ARHGAP28: variants seen among roughly 807,000 people sequenced by gnomAD.
ARHGAP28 encodes Rho GTPase activating protein 28.
In ARHGAP28, 56 loss-of-function variants were observed where a neutral mutation model predicts 90.7. The observed-to-expected ratio is 0.62, with a 90% confidence interval of 0.50 to 0.77. The LOEUF is 0.77. Ranked by LOEUF, ARHGAP28 falls within the 30% of genes least tolerant of loss-of-function variation. ARHGAP28 has a pLI of 0.00. For missense variants in ARHGAP28, 869 were observed against 900.9 expected, an observed-to-expected ratio of 0.96 and a Z score of 0.45; for synonymous variants, 308 against 323.3, an observed-to-expected ratio of 0.95 and a Z score of 0.51.
chr18:6,873,435 T>A lies in ARHGAP28; in HGVS notation c.981T>A (p.Phe327Leu). 6.2e-7 allele frequency: 1 copy of A among 1,608,712 alleles called. No homozygotes were observed. Among genetic ancestry groups the A allele is most frequent in the Non-Finnish European group, 8.5e-7 (1 of 1,178,828 alleles). ...LTKFNVQKTR[F>L]GLTEAGDLSA... Reference sequence around the variant, plus strand: ...AATTTAATGTTCAGAAAACCAGATTTGGCTTAACTGAAGCAGGAGATCTGT... The same window carrying A: ...AATTTAATGTTCAGAAAACCAGATTAGGCTTAACTGAAGCAGGAGATCTGT... Residue 327 changes from phenylalanine (F) to leucine (L), a missense_variant, in exon 8 of 18, where the codon TTT becomes TTA. Phe to Leu is a conservative substitution (Grantham distance 22). Transcript: ENST00000383472.
intron 1 of ARHGAP28, among the ~76,000 whole-genome samples, chr18:6,753,560 A>G (rs1242348172): frequency 6.6e-6 from 1 of 152,238 alleles, no homozygotes. Context: ...AGAACATAAT[A>G]TATATAACCT....
chr18:6,854,091 T>C (rs2056932729), intron 4 of ARHGAP28, among the ~76,000 whole-genome samples: 1 of 152,074 alleles, frequency 6.6e-6, no homozygotes, highest in Admixed American at 6.6e-5. Context: ...TTGAACCAGA[T>C]TGGTCTCGGG....
At chr18:6,768,501 T>G (rs2056217344) in intron 1 of ARHGAP28, among the ~76,000 whole-genome samples, 1 of 152,114 alleles carries the variant, frequency 6.6e-6, no homozygotes, top group Non-Finnish European at 1.5e-5. Context: ...CAACAAAGAC[T>G]TTCTATTCTG....
chr18:6,775,162 T>C (rs531234760), intron 1 of ARHGAP28, among the ~76,000 whole-genome samples: 6 of 152,330 alleles, frequency 3.9e-5, no homozygotes, highest in African/African-American at 1.2e-4. Context: ...TTCTATTTCA[T>C]TTTTGTTCTT....
In ARHGAP28 at chr18:6,854,690, G is replaced by C. The variant is rs960194735; in HGVS notation, c.636+3564G>C. On this transcript the variant is annotated intron_variant, in intron 4 of 17. Coordinates refer to ENST00000383472, the MANE Select transcript of ARHGAP28 (RefSeq NM_001366230.1). ...CAGCAGGAGCCAGGAACAGGTGGGA[G>C]CCCTGCCCCCTGCTGAGTTGGCAGG... Among the ~76,000 whole-genome samples, 4 of 152,242 alleles carry C rather than the reference G, an allele frequency of 2.6e-5. No homozygotes were observed. In the East Asian group the frequency reaches 7.8e-4, roughly 30 times the overall value.
At chr18:6,909,062 T>G in intron 17 of ARHGAP28, 38 bp downstream of exon 17, 1 of 1,115,000 alleles carries the variant, frequency 9.0e-7, no homozygotes, top group South Asian at 1.3e-5. Context: ...CTAAATTCTC[T>G]GATTACTCTA....
intron 3 of ARHGAP28, among the ~76,000 whole-genome samples, chr18:6,842,024 C>T (rs1158004037): frequency 1.3e-5 from 2 of 152,108 alleles, no homozygotes; most frequent in Non-Finnish European, 2.9e-5. Flanking sequence ...CTTATTTTGG[C>T]CATGGCTGTT....
At chr18:6,810,171 A>AT (rs2056546667) in intron 1 of ARHGAP28, among the ~76,000 whole-genome samples, 1 of 152,052 alleles carries the variant, frequency 6.6e-6, no homozygotes, top group African/African-American at 2.4e-5. Context: ...TTATTTTTAT[A>AT]TTTTTTATGA....
chr18:6,880,074 T>C (rs909092168), intron 10 of ARHGAP28, among the ~76,000 whole-genome samples: 4 of 152,178 alleles, frequency 2.6e-5, no homozygotes, highest in African/African-American at 9.7e-5. Context: ...GTGCTTCCTG[T>C]GCACTTGGAA....
At chr18:6,890,617 C>G in intron 14 of ARHGAP28, 74 bp downstream of exon 14, 1 of 879,690 alleles carries the variant, frequency 1.1e-6, no homozygotes. Context: ...CACAAAGTAG[C>G]TTGTCATTTA....
intron 1 of ARHGAP28, among the ~76,000 whole-genome samples, chr18:6,730,865 A>T (rs2143091576): frequency 6.6e-6 from 1 of 152,270 alleles, no homozygotes; most frequent in East Asian, 1.9e-4. Flanking sequence ...TTTATTTTTA[A>T]TCATTTCTTT....
At chr18:6,813,139 A>G (rs1276487781) in intron 1 of ARHGAP28, among the ~76,000 whole-genome samples, 1 of 152,230 alleles carries the variant, frequency 6.6e-6, no homozygotes, top group Non-Finnish European at 1.5e-5. Context: ...TCTACCTACC[A>G]CAGGGAAAGC....
chr18:6,842,434 C>T (rs1243061026), intron 3 of ARHGAP28, among the ~76,000 whole-genome samples: 1 of 152,130 alleles, frequency 6.6e-6, no homozygotes, highest in Non-Finnish European at 1.5e-5. Context: ...GCCCTGACTT[C>T]CCTGTCATTA....
intron 1 of ARHGAP28, among the ~76,000 whole-genome samples, chr18:6,806,201 C>T (rs186481314): frequency 1.4e-3 from 208 of 152,174 alleles, no homozygotes; most frequent in African/African-American, 4.7e-3. Context: ...ACTATTTTTC[C>T]TTTTTTCATT....
chr18:6,797,993 A>G (rs1349123919), intron 1 of ARHGAP28, among the ~76,000 whole-genome samples: 3 of 152,194 alleles, frequency 2.0e-5, no homozygotes, highest in Non-Finnish European at 4.4e-5. Flanking sequence ...TTTTAAAAAC[A>G]TTAAGTTTAA....
At chr18:6,890,180 A>C (rs1165556389) in intron 13 of ARHGAP28, 95 bp downstream of exon 13, 3 of 1,395,294 alleles carry the variant, frequency 2.2e-6, no homozygotes, top group Non-Finnish European at 3.0e-6. Context: ...GGTCATAGGG[A>C]AGAAATATGA....
intron 1 of ARHGAP28, among the ~76,000 whole-genome samples, chr18:6,757,202 T>G (rs2056118235): frequency 6.6e-6 from 1 of 152,194 alleles, no homozygotes; most frequent in African/African-American, 2.4e-5. Flanking sequence ...CAGCAGTATT[T>G]TTTGGAAACA....
At position 6,878,494 on chromosome 18, in the gene ARHGAP28, A is replaced by AT. The variant is rs2057151740; in HGVS notation, c.1290+2287dup. Among the ~76,000 whole-genome samples, 3 of 152,174 alleles carry AT rather than the reference A, an allele frequency of 2.0e-5. No homozygotes were observed. In the South Asian group the frequency reaches 6.2e-4, roughly 32 times the overall value. On this transcript the variant is annotated intron_variant, in intron 10 of 17. Coordinates refer to ENST00000383472, the MANE Select transcript of ARHGAP28 (RefSeq NM_001366230.1). Reference sequence around the variant, plus strand: ...CATGTACCCTAAAACTTAAAGTATAATAAAAAAAAAATTACAGGGCATTTC... The same window carrying AT: ...CATGTACCCTAAAACTTAAAGTATAATTAAAAAAAAAATTACAGGGCATTTC...
At chr18:6,802,297 T>C (rs2056487614) in intron 1 of ARHGAP28, among the ~76,000 whole-genome samples, 1 of 150,836 alleles carries the variant, frequency 6.6e-6, no homozygotes, top group African/African-American at 2.4e-5. Context: ...AGTAGTGCAG[T>C]AGTGGAATTG....
Sources: allele counts gnomAD v4.1 joint callset (sites outside exome capture counted in the v4.1 genomes callset), GRCh38; gene constraint gnomAD v4.1.1; transcripts MANE v1.5; gene names NCBI Gene and HGNC (gene_info 2026-07-23, HGNC 2026-07-21).